Variants in PLAAT3 observed in about 807,000 individuals in gnomAD.
PLAAT3 encodes the protein phospholipase A and acyltransferase 3, also known as Ca-independent phospholipase A1/2.
In PLAAT3, 21 loss-of-function variants were observed where a neutral mutation model predicts 16.7. The observed-to-expected ratio is 1.26, with a 90% CI of 0.89 to 1.81. The LOEUF is 1.81. Among genes scored for constraint, PLAAT3 ranks in the 40% most tolerant of loss-of-function variants. The probability of loss-of-function intolerance (pLI) is 0.00; values close to 1 mark genes in which losing one functional copy is unlikely to be tolerated. For synonymous variants in PLAAT3, 76 were observed against 81.7 expected (o/e 0.93, Z 0.38); for missense variants, 219 against 213.7 (o/e 1.02, Z -0.16).
chr11:63,616,101 G>A (rs1307745512), upstream of PLAAT3, among the ~76,000 whole-genome samples: 1 of 151,990 alleles, frequency 6.6e-6, no homozygotes, highest in Non-Finnish European at 1.5e-5. Context: ...CTTCTTTTGT[G>A]GTGAGAACAC....
At chr11:63,588,977 C>CAAAAAA (rs58090843) in intron 4 of PLAAT3, among the ~76,000 whole-genome samples, 59 of 46,752 alleles carry the variant, frequency 1.3e-3, no homozygotes, top group Middle Eastern at 0.016. Flanking sequence ...ATGAGCCAAG[C>CAAAAAA]AAAAAAAAAA....
At chr11:63,614,214 T>G in intron 1 of PLAAT3, 146 bp from the exon 2 acceptor site, 27 of 640,206 alleles carry the variant, frequency 4.2e-5, no homozygotes, top group African/African-American at 3.8e-5. Context: ...AACAACTTTC[T>G]CGCCGGGGCC....
upstream of PLAAT3, among the ~76,000 whole-genome samples, chr11:63,615,406 A>ATATGTGTGTATATGTG (rs1565260281): frequency 1.2e-3 from 9 of 7,376 alleles, 2 homozygotes; most frequent in African/African-American, 1.1e-3. Flanking sequence ...ATGTGTGTAT[A>ATATGTGTGTATATGTG]TGTGTGTGTG....
chr11:63,587,185 A>C (rs1316575555), intron 4 of PLAAT3, among the ~76,000 whole-genome samples: 2 of 152,206 alleles, frequency 1.3e-5, no homozygotes, highest in African/African-American at 4.8e-5. Context: ...AGTGCCAGAG[A>C]ATACAAACTG....
At chr11:63,589,674 A>T (rs539942551) in intron 4 of PLAAT3, among the ~76,000 whole-genome samples, 1 of 152,328 alleles carries the variant, frequency 6.6e-6, no homozygotes, top group South Asian at 2.1e-4. Flanking sequence ...CTGCACAGGA[A>T]AAGACAGGTA....
intron 4 of PLAAT3, among the ~76,000 whole-genome samples, chr11:63,579,206 TAA>T (rs1937717193): frequency 1.3e-5 from 2 of 152,082 alleles, no homozygotes; most frequent in African/African-American, 4.8e-5. Context: ...TGGCGATCAT[TAA>T]AAAGTCAGGA....
chr11:63,612,418 G>C (rs1380204055), intron 2 of PLAAT3, among the ~76,000 whole-genome samples: 2 of 152,164 alleles, frequency 1.3e-5, no homozygotes, highest in South Asian at 4.1e-4. Context: ...TTATGAAATG[G>C]GATTTTTATA....
intron 3 of PLAAT3, among the ~76,000 whole-genome samples, chr11:63,595,019 G>A (rs1444569738): frequency 5.9e-5 from 9 of 152,150 alleles, no homozygotes; most frequent in Middle Eastern, 3.4e-3. Flanking sequence ...GGCCGTGCGC[G>A]GTGGCTCACG....
At chr11:63,592,990 G>T (rs1287943756) in intron 3 of PLAAT3, among the ~76,000 whole-genome samples, 1 of 152,114 alleles carries the variant, frequency 6.6e-6, no homozygotes, top group Non-Finnish European at 1.5e-5. Flanking sequence ...TGACCTGATG[G>T]TCTGTGACAC....
At chr11:63,600,671 C>T (rs533195809) in intron 2 of PLAAT3, among the ~76,000 whole-genome samples, 1 of 151,894 alleles carries the variant, frequency 6.6e-6, no homozygotes, top group South Asian at 2.1e-4. Flanking sequence ...GGTGCGATCT[C>T]GGCTCACTGC....
intron 4 of PLAAT3, 67 bp downstream of exon 4, chr11:63,590,033 G>T: frequency 6.7e-7 from 1 of 1,497,018 alleles, no homozygotes; most frequent in Non-Finnish European, 9.2e-7. Context: ...CCATAGCCAT[G>T]CCCAGCCTCC....
At chr11:63,615,134 A>G (rs1335839252), upstream of PLAAT3, among the ~76,000 whole-genome samples, 1 of 5,534 alleles carries the variant, frequency 1.8e-4, no homozygotes, top group African/African-American at 2.3e-4. Flanking sequence ...GTATATATGT[A>G]TATGTGTATA....
intron 3 of PLAAT3, among the ~76,000 whole-genome samples, chr11:63,597,315 G>C (rs1938314021): frequency 6.6e-6 from 1 of 152,082 alleles, no homozygotes; most frequent in African/African-American, 2.4e-5. Flanking sequence ...ACGAGGTCAG[G>C]AGATCGAGAC....
Position 63,590,347 on chromosome 11 carries a change from G to A in PLAAT3, c.140C>T (p.Ala47Val). Residue 47 changes from alanine (A) to valine (V), a missense_variant, in exon 4 of 5, where the codon GCA becomes GTA. Transcript: ENST00000415826. ...AGTCAGGGCGGACATGACACTGGCT[G>A]CACCAGCTCCTGCGACCTCACCTGC... is the stretch of plus-strand genomic sequence containing the variant. ...APPSEVAGAG[A>V]ASVMSALTDK... is the part of the protein sequence containing the mutation. The A allele has an allele frequency of 6.2e-7, 1 of 1,614,076 alleles. No homozygotes were observed. The highest frequency in any genetic ancestry group is 8.5e-7 in the Non-Finnish European group (1 of 1,179,982).
At chr11:63,591,455 G>T (rs553475912) in intron 3 of PLAAT3, among the ~76,000 whole-genome samples, 38 of 152,264 alleles carry the variant, frequency 2.5e-4, no homozygotes, top group Non-Finnish European at 5.4e-4. Flanking sequence ...CATGTCAAAG[G>T]AGGTTCACTC....
At chr11:63,593,374 A>C (rs927752408) in intron 3 of PLAAT3, among the ~76,000 whole-genome samples, 1 of 152,188 alleles carries the variant, frequency 6.6e-6, no homozygotes, top group Non-Finnish European at 1.5e-5. Context: ...TCTAGAACAG[A>C]AGGAACAGCA....
upstream of PLAAT3, among the ~76,000 whole-genome samples, chr11:63,615,194 GTGTA>G (rs1426361007): frequency 2.5e-5 from 3 of 121,000 alleles, no homozygotes; most frequent in African/African-American, 5.9e-5. Context: ...ATATATATGT[GTGTA>G]TATATGTGTG....
At chr11:63,577,062 C>A (rs973399500) in intron 4 of PLAAT3, among the ~76,000 whole-genome samples, 18 of 152,052 alleles carry the variant, frequency 1.2e-4, no homozygotes, top group African/African-American at 3.9e-4. Context: ...ATTTAACAAA[C>A]AGACATTGTT....
intron 3 of PLAAT3, 83 bp from the exon 4 acceptor site, chr11:63,590,451 TG>T: frequency 3.4e-6 from 4 of 1,170,466 alleles, no homozygotes; most frequent in Non-Finnish European, 4.9e-6. Flanking sequence ...GCCGGGCATC[TG>T]CCCTTGGCTC....
Sources: gnomAD v4.1 joint callset for allele counts (sites outside exome capture counted in the v4.1 genomes callset) on GRCh38, gnomAD v4.1.1 for gene constraint, MANE v1.5 for transcripts, NCBI Gene and HGNC (gene_info 2026-07-23, HGNC 2026-07-21) for gene names.